RP1: variants seen among roughly 807,000 people sequenced by gnomAD.
RP1 encodes RP1 axonemal microtubule associated, also known as oxygen-regulated protein 1.
Under a neutral mutation model 14.8 loss-of-function variants are expected in RP1, and 16 were observed. That is an observed-to-expected ratio of 1.08 (90% confidence interval 0.73 to 1.65). The LOEUF is 1.65. Among genes scored for constraint, RP1 ranks in the 40% most tolerant of loss-of-function variants. The probability of loss-of-function intolerance (pLI) is 0.00; values close to 1 mark genes in which losing one functional copy is unlikely to be tolerated. For missense variants in RP1, 2,631 were observed against 2,535.0 expected, an observed-to-expected ratio of 1.04 and a Z score of -0.81; for synonymous variants, 876 against 883.6, an observed-to-expected ratio of 0.99 and a Z score of 0.15.
chr8:54,788,344 C>A (rs1810377092), intron 24 of RP1, among the ~76,000 whole-genome samples: 1 of 152,194 alleles, frequency 6.6e-6, no homozygotes, highest in Non-Finnish European at 1.5e-5. Context: ...TGTGGGCCTA[C>A]AAACTATTAG....
rs1805880042 is a variant in RP1 at position 54,621,581 on chromosome 8, G to T, written c.615G>T (p.Arg205Ser). The T allele has an allele frequency of 6.2e-7, 1 of 1,614,110 alleles. No homozygotes were observed. The highest frequency in any genetic ancestry group is 8.5e-7 in the Non-Finnish European group (1 of 1,180,024). ...VVKLYATDGR[R>S]VPSLQAVILS... ...AGCTGTACGCTACGGACGGAAGGAG[G>T]GTGAGCGTTCTGGGGGCTCCTCGAG... is the stretch of plus-strand genomic sequence containing the variant. The change falls in exon 2 of 4, where the codon AGG (arginine) becomes AGT (serine). Residue 205 changes from arginine (R) to serine (S), a missense_variant and splice_region_variant. Physicochemically the swap from Arg to Ser is moderately radical, Grantham distance 110. Coordinates refer to ENST00000220676, the MANE Select transcript of RP1 (RefSeq NM_006269.2).
rs752550669 is a variant in RP1, at chr8:54,629,514, G to A, written c.5632G>A (p.Val1878Ile). The change falls in exon 4 of 4, where the codon GTC becomes ATC. Residue 1878 changes from valine (V) to isoleucine (I), a missense_variant. Physicochemically the swap from Val to Ile is conservative, Grantham distance 29. Coordinates refer to ENST00000220676, the MANE Select transcript of RP1 (RefSeq NM_006269.2). The stretch of plus-strand genomic sequence containing the variant: ...TTCCTTTATTTCTGCTGGTAACAAA[G>A]TCTACCCTGTCTCTGATGATGCTAT... ...THSFISAGNK[V>I]YPVSDDAIKN... The A allele has an allele frequency of 1.9e-6, 3 of 1,614,086 alleles. No individual in the cohort carries two copies. The highest frequency in any genetic ancestry group is 3.3e-5 in the Admixed American group (2 of 60,014).
At chr8:54,570,773 G>A (rs1804503164) in intron 1 of RP1, among the ~76,000 whole-genome samples, 1 of 151,932 alleles carries the variant, frequency 6.6e-6, no homozygotes, top group African/African-American at 2.4e-5. Flanking sequence ...TACAATACTT[G>A]TTCATAATTT....
chr8:54,764,494 C>T (rs1809716456), intron 22 of RP1, among the ~76,000 whole-genome samples: 1 of 152,216 alleles, frequency 6.6e-6, no homozygotes, highest in Non-Finnish European at 1.5e-5. Flanking sequence ...ACTCATTTTC[C>T]TGTATACCTT....
Position 54,562,994 on chromosome 8 carries a change from TA to T in RP1, c.-13+3675del, listed in dbSNP as rs531596827. ...AGTCACCCTTTACTGAGGCCCCTGG[TA>T]GGCCCAGTCCTACAGCAGTCAAAGA... On this transcript the variant is annotated intron_variant, in intron 1 of 22. Transcript: ENST00000636932. 4.9e-4 allele frequency among the ~76,000 whole-genome samples: 74 copies of T among 152,344 alleles called. 1 individual carries two copies. Among genetic ancestry groups the T allele is most frequent in the African/African-American group, 1.7e-3 (71 of 41,592 alleles).
intron 24 of RP1, among the ~76,000 whole-genome samples, chr8:54,824,233 T>C (rs1811330327): frequency 6.6e-6 from 1 of 152,106 alleles, no homozygotes; most frequent in South Asian, 2.1e-4. Flanking sequence ...AGGTTATCAC[T>C]ATAGATATTG....
At chr8:54,781,103 C>G in intron 23 of RP1, 1 of 900,666 alleles carries the variant, frequency 1.1e-6, no homozygotes. Context: ...TTCCTTTTAT[C>G]TACAGTAGGG....
chr8:54,742,265 T>C (rs1170644930), intron 19 of RP1, among the ~76,000 whole-genome samples: 1 of 152,202 alleles, frequency 6.6e-6, no homozygotes, highest in Non-Finnish European at 1.5e-5. Context: ...CAGTACAAGA[T>C]ATGTTATTCC....
chr8:54,849,206 C>T (rs2129407372), intron 25 of RP1, among the ~76,000 whole-genome samples: 2 of 152,138 alleles, frequency 1.3e-5, no homozygotes, highest in South Asian at 4.1e-4. Context: ...GGCTACAGTT[C>T]ACCTGTGCAT....
chr8:54,628,611 C>T lies in RP1; in HGVS notation c.4729C>T (p.Pro1577Ser), dbSNP rs1329575579. 1 of 1,613,790 alleles carries T rather than the reference C, an allele frequency of 6.2e-7. No homozygotes were observed. The highest frequency in any genetic ancestry group is 8.5e-7 in the Non-Finnish European group (1 of 1,179,942). ...METGSYSESSPDLKKCIKSPV... is the reference protein window; with the variant it reads ...METGSYSESSSDLKKCIKSPV... Reference sequence around the variant, plus strand: ...AACTGGAAGTTATTCAGAGTCCTCTCCTGATTTAAAAAAATGCATCAAAAG... The same window carrying T: ...AACTGGAAGTTATTCAGAGTCCTCTTCTGATTTAAAAAAATGCATCAAAAG... The change falls in exon 4 of 4, where the codon CCT becomes TCT. Residue 1577 changes from proline to serine, a missense_variant. Coordinates refer to ENST00000220676, the MANE Select transcript of RP1 (RefSeq NM_006269.2).
chr8:54,837,149 GAATA>G (rs5891553), intron 24 of RP1, among the ~76,000 whole-genome samples: 45,933 of 151,784 alleles, frequency 0.3, 7,103 homozygotes, highest in South Asian at 0.37. Flanking sequence ...CCCACTGAAT[GAATA>G]GTGTGTGATA....
intron 22 of RP1, chr8:54,759,106 G>T: frequency 6.5e-7 from 1 of 1,527,772 alleles, no homozygotes; most frequent in Non-Finnish European, 8.7e-7. Context: ...TACTTCAAAA[G>T]AGTATGCTGC....
chr8:54,778,691 A>G (rs1810105974), intron 23 of RP1, among the ~76,000 whole-genome samples: 1 of 152,084 alleles, frequency 6.6e-6, no homozygotes, highest in Non-Finnish European at 1.5e-5. Context: ...AGAGAGGTGA[A>G]AGAGAGGACA....
intron 12 of RP1, among the ~76,000 whole-genome samples, chr8:54,694,030 G>C (rs1375205239): frequency 6.6e-6 from 1 of 152,102 alleles, no homozygotes; most frequent in Non-Finnish European, 1.5e-5. Context: ...TAGCATGAAG[G>C]GTTGTTGAAT....
chr8:54,801,358 C>T (rs1474240810), intron 24 of RP1, among the ~76,000 whole-genome samples: 1 of 152,192 alleles, frequency 6.6e-6, no homozygotes, highest in Non-Finnish European at 1.5e-5. Context: ...CGTTGCAAAC[C>T]TTCACAAGTA....
At chr8:54,844,541 CT>C (rs1354954995) in intron 25 of RP1, among the ~76,000 whole-genome samples, 1 of 151,760 alleles carries the variant, frequency 6.6e-6, no homozygotes, top group African/African-American at 2.4e-5. Flanking sequence ...TGTAGACAAG[CT>C]TGCCTCTGTG....
chr8:54,627,008 T>A lies in RP1; in HGVS notation c.3126T>A (p.Ala1042=). The A allele has an allele frequency of 6.2e-7, 1 of 1,614,036 alleles. No individual in the cohort carries two copies. Among genetic ancestry groups the A allele is most frequent in the Non-Finnish European group, 8.5e-7 (1 of 1,179,960 alleles). ...NDHNTKSHIA[A]EKSGPEKKLV... ...ATAATACTAAAAGTCATATAGCTGC[T>A]GAAAAATCAGGACCAGAGAAAAAAC... is the stretch of plus-strand genomic sequence containing the variant. Residue 1042 remains alanine (A), a synonymous_variant, in exon 4 of 4, where the codon GCT becomes GCA. Transcript: ENST00000220676.
chr8:54,628,049 A>G lies in RP1; in HGVS notation c.4167A>G (p.Ser1389=), dbSNP rs754532047. ...EYKNGFNTLV[S]HQNVSNLSSC... is the part of the protein sequence containing the mutation. ...AAAATGGATTTAATACATTGGTGTC[A>G]CATCAAAATGTCAGTAATTTAAGCT... Residue 1389 remains serine (S), a synonymous_variant, in exon 4 of 4, where the codon TCA becomes TCG. Coordinates refer to ENST00000220676, the MANE Select transcript of RP1 (RefSeq NM_006269.2). The G allele has an allele frequency of 1.9e-6, 3 of 1,614,092 alleles. No individual in the cohort carries two copies. The highest frequency in any genetic ancestry group is 3.3e-5 in the Admixed American group (2 of 60,028).
intron 24 of RP1, among the ~76,000 whole-genome samples, chr8:54,806,844 C>T (rs898029382): frequency 6.6e-6 from 1 of 151,962 alleles, no homozygotes; most frequent in African/African-American, 2.4e-5. Flanking sequence ...TTATCTTCAC[C>T]CTGAGATAAT....
Sources: allele counts gnomAD v4.1 joint callset (sites outside exome capture counted in the v4.1 genomes callset), GRCh38; gene constraint gnomAD v4.1.1; transcripts MANE v1.5; gene names NCBI Gene and HGNC (gene_info 2026-07-23, HGNC 2026-07-21).